Variants in GALNT14 observed in about 807,000 individuals in gnomAD.
GALNT14 encodes polypeptide N-acetylgalactosaminyltransferase 14.
In GALNT14, 60 loss-of-function variants were observed where a neutral mutation model predicts 77.5. That is an observed-to-expected ratio of 0.77 (90% CI 0.63 to 0.96). The LOEUF (loss-of-function observed/expected upper bound fraction) is 0.96, where lower values mean the gene tolerates loss of function less well. GALNT14 is among the 40% of genes least tolerant of loss of function. GALNT14 has a pLI of 0.00. For synonymous variants in GALNT14, 280 were observed against 281.7 expected, an observed-to-expected ratio of 0.99 and a Z score of 0.06; for missense variants, 710 against 731.0, an observed-to-expected ratio of 0.97 and a Z score of 0.33.
intron 1 of GALNT14, among the ~76,000 whole-genome samples, chr2:31,075,379 T>C (rs914778991): frequency 9.9e-5 from 15 of 152,260 alleles, no homozygotes; most frequent in African/African-American, 3.4e-4. Flanking sequence ...ATCTTTCATA[T>C]GCAAATGTGT....
intron 11 of GALNT14, among the ~76,000 whole-genome samples, chr2:30,927,462 G>A (rs1232879502): frequency 2.6e-5 from 4 of 152,332 alleles, no homozygotes; most frequent in East Asian, 3.9e-4. Flanking sequence ...GAGGCCCTGC[G>A]CCAGGAGGCA....
At chr2:30,993,115 T>C in intron 1 of GALNT14, 108 bp from the exon 2 acceptor site, 1 of 1,228,346 alleles carries the variant, frequency 8.1e-7, no homozygotes, top group Non-Finnish European at 1.1e-6. Flanking sequence ...CTGGCAAGGT[T>C]TGGCTCAAAG....
At chr2:31,015,971 A>C (rs1182264403) in intron 1 of GALNT14, among the ~76,000 whole-genome samples, 2 of 152,188 alleles carry the variant, frequency 1.3e-5, no homozygotes, top group African/African-American at 4.8e-5. Flanking sequence ...GAAATCTAGA[A>C]TGGGTAGAGG....
At chr2:31,008,660 C>CA (rs1296880832) in intron 1 of GALNT14, among the ~76,000 whole-genome samples, 1 of 152,186 alleles carries the variant, frequency 6.6e-6, no homozygotes, top group African/African-American at 2.4e-5. Flanking sequence ...GAGAGGCAGC[C>CA]AGCATGAGTG....
intron 6 of GALNT14, among the ~76,000 whole-genome samples, chr2:30,949,777 G>T (rs1026493380): frequency 6.6e-6 from 1 of 152,234 alleles, no homozygotes; most frequent in Non-Finnish European, 1.5e-5. Context: ...ATCGTGGCAG[G>T]TACAAGGATG....
intron 1 of GALNT14, among the ~76,000 whole-genome samples, chr2:31,081,324 A>G (rs1676145987): frequency 1.3e-5 from 2 of 152,254 alleles, no homozygotes; most frequent in South Asian, 4.1e-4. Flanking sequence ...TTTCTTCTCT[A>G]CACATAGCAA....
intron 8 of GALNT14, among the ~76,000 whole-genome samples, chr2:30,944,155 T>C (rs1275340237): frequency 2.6e-5 from 4 of 152,180 alleles, no homozygotes; most frequent in African/African-American, 4.8e-5. Context: ...ACTGGTTTAC[T>C]GTCCAGTAGG....
At chr2:30,921,562 T>C (rs1665031601) in intron 13 of GALNT14, among the ~76,000 whole-genome samples, 1 of 152,064 alleles carries the variant, frequency 6.6e-6, no homozygotes, top group Non-Finnish European at 1.5e-5. Context: ...TGGAGCTGGG[T>C]TGAGATGCCT....
At chr2:30,932,695 G>T (rs1380389393) in intron 9 of GALNT14, among the ~76,000 whole-genome samples, 1 of 152,216 alleles carries the variant, frequency 6.6e-6, no homozygotes, top group Admixed American at 6.5e-5. Context: ...CTCAGGACAG[G>T]CTAGAAAACT....
chr2:30,934,594 C>A (rs878862582), intron 9 of GALNT14, among the ~76,000 whole-genome samples: 2 of 152,070 alleles, frequency 1.3e-5, no homozygotes, highest in Admixed American at 1.3e-4. Context: ...TTCCTATGAT[C>A]CCTCCTCCCA....
intron 1 of GALNT14, among the ~76,000 whole-genome samples, chr2:31,102,259 T>C (rs1217361755): frequency 2.0e-5 from 3 of 152,146 alleles, no homozygotes; most frequent in Non-Finnish European, 4.4e-5. Context: ...TTAATTCATG[T>C]TTGATCATTC....
At chr2:31,040,655 G>A (rs967944137) in intron 1 of GALNT14, among the ~76,000 whole-genome samples, 1 of 152,122 alleles carries the variant, frequency 6.6e-6, no homozygotes, top group Admixed American at 6.6e-5. Flanking sequence ...TCAACCCAAG[G>A]AGCTCTTCCT....
intron 1 of GALNT14, among the ~76,000 whole-genome samples, chr2:31,011,376 G>C (rs765989744): frequency 1.3e-5 from 2 of 152,166 alleles, no homozygotes; most frequent in Non-Finnish European, 2.9e-5. Context: ...TTTAGATCTG[G>C]CCTCCACAAC....
Position 30,995,720 on chromosome 2 carries a change from G to A in GALNT14, c.130-2713C>T, listed in dbSNP as rs185177342. Among the ~76,000 whole-genome samples, 7 of 152,114 alleles carry A rather than the reference G, an allele frequency of 4.6e-5. No homozygotes were observed. In the East Asian group the frequency reaches 5.8e-4, roughly 13 times the overall value. On this transcript the variant is annotated intron_variant, in intron 1 of 14. Coordinates refer to ENST00000349752, the MANE Select transcript of GALNT14 (RefSeq NM_024572.4). ...TCACTATGTTGCCTAGGCTGGTCTCGCACTCCTAGCTTCAGGCAATCCTTC... is the reference window on the plus strand; with the variant it reads ...TCACTATGTTGCCTAGGCTGGTCTCACACTCCTAGCTTCAGGCAATCCTTC...
intron 2 of GALNT14, among the ~76,000 whole-genome samples, chr2:30,970,175 T>C (rs1668261512): frequency 6.6e-6 from 1 of 152,060 alleles, no homozygotes; most frequent in Admixed American, 6.5e-5. Context: ...TGGAAAGGCA[T>C]CTTTGCTGGG....
Position 30,945,838 on chromosome 2 carries a change from A to G in GALNT14, c.687T>C (p.Asp229=). 1 of 1,614,166 alleles carries G rather than the reference A, an allele frequency of 6.2e-7. No homozygotes were observed. The highest frequency in any genetic ancestry group is 8.5e-7 in the Non-Finnish European group (1 of 1,180,032). ...DYTRVVCPVI[D]IINLDTFTYI... ...AGGTGAAGGTGTCCAGGTTAATGATATCGATCACAGGGCACACCACCCGCG... is the reference window on the plus strand; with the variant it reads ...AGGTGAAGGTGTCCAGGTTAATGATGTCGATCACAGGGCACACCACCCGCG... The change falls in exon 7 of 15, where the codon GAT becomes GAC. Residue 229 remains aspartate (D), a synonymous_variant. Coordinates refer to ENST00000349752, the MANE Select transcript of GALNT14 (RefSeq NM_024572.4).
At chr2:30,941,587 T>A (rs546259250) in intron 9 of GALNT14, among the ~76,000 whole-genome samples, 1 of 152,266 alleles carries the variant, frequency 6.6e-6, no homozygotes, top group Admixed American at 6.5e-5. Flanking sequence ...AAGCCTCAGC[T>A]CTATCCCACC....
intron 1 of GALNT14, among the ~76,000 whole-genome samples, chr2:31,038,004 C>T (rs1209577291): frequency 1.4e-5 from 2 of 148,078 alleles, no homozygotes; most frequent in African/African-American, 5.0e-5. Context: ...TTTTAAAAGC[C>T]CCTGTGGCAT....
At chr2:31,018,886 G>A (rs1671546180) in intron 1 of GALNT14, among the ~76,000 whole-genome samples, 1 of 152,148 alleles carries the variant, frequency 6.6e-6, no homozygotes, top group African/African-American at 2.4e-5. Flanking sequence ...CCTAGCTCAG[G>A]CCCTGCAGAG....
Sources: allele counts gnomAD v4.1 joint callset (sites outside exome capture counted in the v4.1 genomes callset), GRCh38; gene constraint gnomAD v4.1.1; transcripts MANE v1.5; gene names NCBI Gene and HGNC (gene_info 2026-07-23, HGNC 2026-07-21).